FYTTD1: variants seen among roughly 807,000 people sequenced by gnomAD.
The protein encoded by FYTTD1 is UAP56-interacting factor.
In FYTTD1, 22 loss-of-function variants were observed where a neutral mutation model predicts 40.9. The ratio of observed to expected loss-of-function variants is 0.54; its 90% CI spans 0.38 to 0.77. The LOEUF (loss-of-function observed/expected upper bound fraction) is 0.77. Among genes scored for constraint, FYTTD1 ranks in the 30% least tolerant of loss-of-function variants. The pLI, the probability that FYTTD1 is intolerant of heterozygous loss-of-function variation, is 0.00. For missense variants in FYTTD1, 351 were observed against 392.2 expected, an observed-to-expected ratio of 0.90 and a Z score of 0.89; for synonymous variants, 140 against 137.9, an observed-to-expected ratio of 1.01 and a Z score of -0.10.
chr3:197,762,922 C>T (rs1729432338), intron 2 of FYTTD1, among the ~76,000 whole-genome samples: 1 of 151,774 alleles, frequency 6.6e-6, no homozygotes, highest in African/African-American at 2.4e-5. Flanking sequence ...AATACCTCAG[C>T]GATGGAATAA....
rs572117288 is a variant in FYTTD1, at chr3:197,749,920, G to A, written c.-52G>A. ...TGCGTGCGCGAGTGGGAGGTGGCAGGCCTGCGACTCCGGCCTTGTCCGCGC... is the reference window on the plus strand; with the variant it reads ...TGCGTGCGCGAGTGGGAGGTGGCAGACCTGCGACTCCGGCCTTGTCCGCGC... On this transcript the variant is annotated 5_prime_UTR_variant, in exon 1 of 9. Transcript: ENST00000241502. 1.1e-5 allele frequency: 14 copies of A among 1,228,714 alleles called. No homozygotes were observed. In the East Asian group the frequency reaches 2.8e-4, roughly 24 times the overall value. 76.1% of individuals were successfully genotyped at this position (1,228,714 alleles called of 1,614,324 possible). A position where few individuals can be genotyped will look rare whatever the true frequency, so the allele number is the denominator to read the frequency against.
At chr3:197,756,688 TTTTTG>T in intron 2 of FYTTD1, 131 bp downstream of exon 2, 1 of 848,680 alleles carries the variant, frequency 1.2e-6, no homozygotes. Context: ...TATGCCTAGG[TTTTTG>T]TTTAGATCTA....
At chr3:197,750,543 C>T in intron 1 of FYTTD1, 1 of 985,184 alleles carries the variant, frequency 1.0e-6, no homozygotes, top group Non-Finnish European at 1.2e-6. Context: ...GGGCTGCGGT[C>T]GGTTAAACCA....
At chr3:197,774,360 G>C (rs966450291) in intron 6 of FYTTD1, 150 bp downstream of exon 6, 2 of 662,432 alleles carry the variant, frequency 3.0e-6, no homozygotes, top group Non-Finnish European at 2.6e-6. Flanking sequence ...CTACACACCT[G>C]TAATCCCAGC....
chr3:197,749,976 ACCGGTTTGGTAC>A lies in FYTTD1; in HGVS notation c.12_23del (p.Phe4_Arg7del). On this transcript the variant is annotated inframe_deletion, in exon 1 of 9. Transcript: ENST00000241502. ...CTCGGCGCGACGTCTCCAGCCATGA[ACCGGTTTGGTAC>A]CCGGTTGGTGGGAGCCACGGCGACT... The A allele has an allele frequency of 6.3e-7, 1 of 1,578,542 alleles. No individual in the cohort carries two copies. Among genetic ancestry groups the A allele is most frequent in the Non-Finnish European group, 8.6e-7 (1 of 1,164,386 alleles).
chr3:197,769,702 G>C (rs1729658790), intron 3 of FYTTD1, among the ~76,000 whole-genome samples: 1 of 151,458 alleles, frequency 6.6e-6, no homozygotes, highest in African/African-American at 2.4e-5. Context: ...CATTTGTTTT[G>C]GAACTTGGCT....
rs1325587239 is a variant in FYTTD1, at chr3:197,753,152, A to T, written c.103+3078A>T. On this transcript the variant is annotated intron_variant, in intron 1 of 8. Coordinates refer to ENST00000241502, the MANE Select transcript of FYTTD1 (RefSeq NM_032288.7). The stretch of plus-strand genomic sequence containing the variant: ...AGAAATGGGATGAAGAGATCATCCC[A>T]TTTCTATCCTAGACATCATCTATCC... Among the ~76,000 whole-genome samples the T allele has an allele frequency of 2.6e-5, 4 of 152,088 alleles. No individual in the cohort carries two copies. In the East Asian group the frequency reaches 7.7e-4, roughly 29 times the overall value.
At chr3:197,757,298 A>G (rs963260815) in intron 2 of FYTTD1, among the ~76,000 whole-genome samples, 5 of 152,256 alleles carry the variant, frequency 3.3e-5, no homozygotes, top group Non-Finnish European at 7.3e-5. Context: ...CTTTATCAGC[A>G]ATATCAGAAT....
In FYTTD1 at chr3:197,784,334, T is replaced by C. The variant is rs1730106572; in HGVS notation, c.*2425T>C. 1 of 152,268 alleles carries C rather than the reference T, an allele frequency of 6.6e-6. No individual in the cohort carries two copies. Among genetic ancestry groups the C allele is most frequent in the Non-Finnish European group, 1.5e-5 (1 of 68,042 alleles). The allele number at this position is 152,268 out of a possible 1,614,324, so 9.4% of individuals were successfully genotyped here. On this transcript the variant is annotated 3_prime_UTR_variant, in exon 9 of 9. Transcript: ENST00000241502. ...GCTCTAAAGATTGAGTTGTGGTTTT[T>C]AGATTGTTCTATGTTACGAAGAACT...
intron 1 of FYTTD1, among the ~76,000 whole-genome samples, chr3:197,753,514 G>T (rs1363170888): frequency 1.3e-5 from 2 of 151,450 alleles, no homozygotes; most frequent in Non-Finnish European, 2.9e-5. Context: ...ACTTAAAATA[G>T]CTCATTGTAA....
chr3:197,769,626 C>T (rs552663276), intron 3 of FYTTD1, among the ~76,000 whole-genome samples: 5 of 152,254 alleles, frequency 3.3e-5, no homozygotes, highest in Admixed American at 1.3e-4. Context: ...CTTTTCGCCT[C>T]TAACCACGTC....
At chr3:197,762,900 G>T (rs1444385596) in intron 2 of FYTTD1, among the ~76,000 whole-genome samples, 1 of 151,836 alleles carries the variant, frequency 6.6e-6, no homozygotes, top group East Asian at 1.9e-4. Context: ...AAAACTAGTG[G>T]ATACTAGGCT....
intron 1 of FYTTD1, 50 bp downstream of exon 1, chr3:197,750,124 G>C (rs1300974892): frequency 4.3e-6 from 6 of 1,391,396 alleles, no homozygotes; most frequent in Non-Finnish European, 5.9e-6. Flanking sequence ...GGCGCGGGTG[G>C]AAGCCGGCGG....
In FYTTD1 at chr3:197,760,162, C is replaced by A. The variant is rs771933714; in HGVS notation, c.235+3605C>A. On this transcript the variant is annotated intron_variant, in intron 2 of 8. Transcript: ENST00000241502. Reference sequence around the variant, plus strand: ...TATAGAGTGTTCCTCTGTGGTAGAACGTATTGAGTTGTTCCTCAGTGGTAG... The same window carrying A: ...TATAGAGTGTTCCTCTGTGGTAGAAAGTATTGAGTTGTTCCTCAGTGGTAG... 9.4e-5 allele frequency among the ~76,000 whole-genome samples: 14 copies of A among 148,754 alleles called. No individual in the cohort carries two copies. The Admixed American group carries it at 9.4e-4, about 10-fold the overall frequency.
At position 197,756,534 on chromosome 3, in the gene FYTTD1, G is replaced by A. The variant is rs760891669; in HGVS notation, c.212G>A (p.Arg71Gln). ...SGAQQFRMRV[R>Q]WGIQQNSGFG... ...GCCCAGCAATTCAGGATGAGAGTGC[G>A]ATGGGGAATCCAACAGAATTCTGGT... The change falls in exon 2 of 9, where the codon CGA becomes CAA. Residue 71 changes from arginine to glutamine, a missense_variant. By Grantham distance (43) the Arg-to-Gln change is conservative (BLOSUM62 1). Coordinates refer to ENST00000241502, the MANE Select transcript of FYTTD1 (RefSeq NM_032288.7). 27 of 1,613,628 alleles carry A rather than the reference G, an allele frequency of 1.7e-5. No individual in the cohort carries two copies. In the East Asian group the frequency reaches 4.5e-4, roughly 27 times the overall value.
intron 2 of FYTTD1, among the ~76,000 whole-genome samples, chr3:197,757,585 G>A (rs1729248063): frequency 6.6e-6 from 1 of 152,126 alleles, no homozygotes; most frequent in South Asian, 2.1e-4. Flanking sequence ...GACCAGCTTG[G>A]GCAACACAGG....
chr3:197,754,001 A>C (rs1049765714), intron 1 of FYTTD1, among the ~76,000 whole-genome samples: 2 of 152,032 alleles, frequency 1.3e-5, no homozygotes, highest in Non-Finnish European at 2.9e-5. Context: ...CGGCCTCCCA[A>C]AGTGCTGGGA....
At chr3:197,762,465 T>C (rs1358810221) in intron 2 of FYTTD1, among the ~76,000 whole-genome samples, 1 of 152,050 alleles carries the variant, frequency 6.6e-6, no homozygotes. Flanking sequence ...GGCGGGCACC[T>C]GTAGTCCCAG....
intron 1 of FYTTD1, among the ~76,000 whole-genome samples, chr3:197,751,747 CATTTTAT>C (rs1729063810): frequency 6.6e-6 from 1 of 151,874 alleles, no homozygotes; most frequent in Non-Finnish European, 1.5e-5. Context: ...CTGTACTAAG[CATTTTAT>C]ATGTTAACTC....
Sources: gnomAD v4.1 joint callset for allele counts (sites outside exome capture counted in the v4.1 genomes callset) on GRCh38, gnomAD v4.1.1 for gene constraint, MANE v1.5 for transcripts, NCBI Gene and HGNC (gene_info 2026-07-23, HGNC 2026-07-21) for gene names.